RRAS2: variants seen among roughly 807,000 people sequenced by gnomAD.
RRAS2 encodes the protein RAS related 2, also known as ras-related protein R-Ras2.
In RRAS2, 7 loss-of-function variants were observed where a neutral mutation model predicts 27.6. That is an observed-to-expected ratio of 0.25 (90% confidence interval 0.14 to 0.48). The LOEUF (loss-of-function observed/expected upper bound fraction) is 0.48, where lower values mean the gene tolerates loss of function less well. Ranked by LOEUF, RRAS2 falls within the 20% of genes least tolerant of loss-of-function variation. The pLI is 0.99. For synonymous variants in RRAS2, 86 were observed against 90.9 expected (o/e 0.95, Z 0.31); for missense variants, 178 against 256.2 (o/e 0.69, Z 2.08).
chr11:14,309,862 T>C (rs1847919445), intron 1 of RRAS2, among the ~76,000 whole-genome samples: 1 of 152,180 alleles, frequency 6.6e-6, no homozygotes. Context: ...TGAAAACCAC[T>C]AGAGGGTCTG....
At chr11:14,346,393 T>C (rs1848830768) in intron 1 of RRAS2, among the ~76,000 whole-genome samples, 1 of 152,222 alleles carries the variant, frequency 6.6e-6, no homozygotes, top group African/African-American at 2.4e-5. Flanking sequence ...TCTAGTCATA[T>C]CCTGATAAAT....
At chr11:14,327,385 G>C (rs1334522268) in intron 1 of RRAS2, among the ~76,000 whole-genome samples, 1 of 152,160 alleles carries the variant, frequency 6.6e-6, no homozygotes, top group Non-Finnish European at 1.5e-5. Flanking sequence ...TCAGAGTTAA[G>C]AGGAGGGGAA....
intron 1 of RRAS2, among the ~76,000 whole-genome samples, chr11:14,300,186 T>C (rs1057079152): frequency 6.6e-6 from 1 of 152,098 alleles, no homozygotes; most frequent in Admixed American, 6.5e-5. Flanking sequence ...TGTTTCCTGA[T>C]AGACATGAAA....
chr11:14,302,428 G>A (rs1322456896), intron 1 of RRAS2, among the ~76,000 whole-genome samples: 4 of 152,132 alleles, frequency 2.6e-5, no homozygotes, highest in South Asian at 2.1e-4. Flanking sequence ...CTCTGGAGTC[G>A]GAGAGCCTGA....
Position 14,309,560 on chromosome 11 carries a change from A to G in RRAS2, c.109-13705T>C, listed in dbSNP as rs557228838. 5.4e-4 allele frequency among the ~76,000 whole-genome samples: 82 copies of G among 152,372 alleles called. No individual in the cohort carries two copies. In the Middle Eastern group the frequency reaches 0.01, roughly 19 times the overall value. The stretch of plus-strand genomic sequence containing the variant: ...GTTGGAGGGGAGGATATGATACTGC[A>G]TAAGATAGCCAGAGAAGGCTCCACG... On this transcript the variant is annotated intron_variant, in intron 1 of 5. Coordinates refer to ENST00000256196, the MANE Select transcript of RRAS2 (RefSeq NM_012250.6).
intron 1 of RRAS2, among the ~76,000 whole-genome samples, chr11:14,324,637 ATTT>A: frequency 6.6e-6 from 1 of 152,278 alleles, no homozygotes; most frequent in East Asian, 1.9e-4. Context: ...AGTCATGAGA[ATTT>A]TTTTGTTTTG....
At chr11:14,300,993 C>G (rs1847686049) in intron 1 of RRAS2, among the ~76,000 whole-genome samples, 1 of 152,070 alleles carries the variant, frequency 6.6e-6, no homozygotes, top group South Asian at 2.1e-4. Context: ...AGTCTACCAC[C>G]CTTGCATAGA....
At chr11:14,364,447 T>C (rs1383448939) in exon 1 of RRAS2, 2 of 1,512,246 alleles carry the variant, frequency 1.3e-6, no homozygotes, top group Admixed American at 2.0e-5. Flanking sequence ...TTGCTTTTAA[T>C]GTGAATGAAT....
chr11:14,331,437 C>G (rs966184757), intron 1 of RRAS2, among the ~76,000 whole-genome samples: 4 of 152,038 alleles, frequency 2.6e-5, no homozygotes, highest in Admixed American at 2.6e-4. Context: ...TAATAGGATA[C>G]TTATATAACT....
intron 1 of RRAS2, among the ~76,000 whole-genome samples, chr11:14,310,365 A>C (rs1847932735): frequency 6.6e-6 from 1 of 152,230 alleles, no homozygotes; most frequent in Non-Finnish European, 1.5e-5. Context: ...CACAAGACGA[A>C]TCAGACAGAG....
intron 1 of RRAS2, among the ~76,000 whole-genome samples, chr11:14,338,611 T>C (rs959192739): frequency 2.0e-5 from 3 of 152,190 alleles, no homozygotes; most frequent in African/African-American, 7.2e-5. Flanking sequence ...ACTCAAAAAG[T>C]TTCAGATTTT....
chr11:14,293,151 ATATATATATATC>A (rs1250790823), intron 4 of RRAS2, among the ~76,000 whole-genome samples: 4 of 132,068 alleles, frequency 3.0e-5, no homozygotes, highest in Admixed American at 1.5e-4. Context: ...ATATATATAT[ATATATATATATC>A]ATTTTCTCTT....
At chr11:14,316,073 G>A (rs996169962) in intron 1 of RRAS2, among the ~76,000 whole-genome samples, 14 of 152,050 alleles carry the variant, frequency 9.2e-5, no homozygotes, top group Admixed American at 2.6e-4. Context: ...AGAAAGCCCA[G>A]ATCAGAAACC....
At chr11:14,286,606 T>TC (rs1188560433) in intron 4 of RRAS2, among the ~76,000 whole-genome samples, 3 of 152,252 alleles carry the variant, frequency 2.0e-5, no homozygotes, top group Admixed American at 1.3e-4. Context: ...AGTTTAATAT[T>TC]CTATTCCAAA....
chr11:14,357,088 A>G (rs1554955555), intron 1 of RRAS2, among the ~76,000 whole-genome samples: 1 of 152,076 alleles, frequency 6.6e-6, no homozygotes, highest in African/African-American at 2.4e-5. Flanking sequence ...GCCAGGCCCA[A>G]TTACCGCTTT....
rs1286671384 is a variant in RRAS2 at position 14,364,308 on chromosome 11, C to T, written c.-124+83G>A. ...ATGCTAGAATCAAGATTCCTCTAAC[C>T]TCATCTGTAGCTACAACAGACAGAG... On this transcript the variant is annotated intron_variant, in intron 1 of 5. Coordinates refer to the RRAS2 transcript ENST00000529237. 7.5e-6 allele frequency: 10 copies of T among 1,328,044 alleles called. No individual in the cohort carries two copies. The African/African-American group carries it at 1.2e-4, about 15-fold the overall frequency. 82.3% of individuals were successfully genotyped at this position (1,328,044 alleles called of 1,614,324 possible).
At chr11:14,295,610 C>T (rs1186758356) in intron 2 of RRAS2, among the ~76,000 whole-genome samples, 158 bp downstream of exon 2, 10 of 152,176 alleles carry the variant, frequency 6.6e-5, no homozygotes, top group Admixed American at 6.5e-4. Context: ...TTAAATTACC[C>T]ATTATGCAGA....
chr11:14,308,090 C>T (rs1847874687), intron 1 of RRAS2: 1 of 259,930 alleles, frequency 3.8e-6, no homozygotes, highest in Non-Finnish European at 7.7e-6. Context: ...GGAATGACTT[C>T]ATGCATTAAT....
chr11:14,351,685 G>A (rs943405882), intron 1 of RRAS2, among the ~76,000 whole-genome samples: 3 of 149,366 alleles, frequency 2.0e-5, no homozygotes, highest in East Asian at 2.0e-4. Context: ...AGCCAAGATC[G>A]CACCACTGAA....
Sources: allele counts gnomAD v4.1 joint callset (sites outside exome capture counted in the v4.1 genomes callset), GRCh38; gene constraint gnomAD v4.1.1; transcripts MANE v1.5; gene names NCBI Gene and HGNC (gene_info 2026-07-23, HGNC 2026-07-21).